RALGPS2: variants seen among roughly 807,000 people sequenced by gnomAD.
The protein encoded by RALGPS2 is Ral GEF with PH domain and SH3 binding motif 2.
In RALGPS2, 43 loss-of-function variants were observed where a neutral mutation model predicts 86.8. That is an observed-to-expected ratio of 0.50 (90% CI 0.39 to 0.64). The LOEUF is 0.64. RALGPS2 is among the 30% of genes least tolerant of loss of function. The pLI is 0.00. For missense variants in RALGPS2, 536 were observed against 694.6 expected (o/e 0.77, Z 2.57); for synonymous variants, 243 against 231.3 (o/e 1.05, Z -0.46).
Position 178,877,763 on chromosome 1 carries a change from G to A in RALGPS2, c.745+128G>A, listed in dbSNP as rs1659063186. 6 of 1,178,280 alleles carry A rather than the reference G, an allele frequency of 5.1e-6. No individual in the cohort carries two copies. In the Admixed American group the frequency reaches 1.1e-4, roughly 22 times the overall value. 73.0% of individuals were successfully genotyped at this position (1,178,280 alleles called of 1,614,324 possible). ...TTCTTATTTCCATTCTAATGTAAAG[G>A]AAAATAATGCTTGTTTTATTTTGCC... is the stretch of plus-strand genomic sequence containing the variant. On this transcript the variant is annotated intron_variant, in intron 9 of 19. Transcript: ENST00000367635.
At chr1:178,897,558 G>C in intron 16 of RALGPS2, 106 bp from the exon 17 acceptor site, 2 of 867,880 alleles carry the variant, frequency 2.3e-6, no homozygotes, top group South Asian at 2.9e-5. Flanking sequence ...CTGAGGTTAG[G>C]ACTTTGGTTG....
At chr1:178,756,884 G>T (rs900591448) in intron 1 of RALGPS2, among the ~76,000 whole-genome samples, 4 of 152,040 alleles carry the variant, frequency 2.6e-5, no homozygotes, top group African/African-American at 9.7e-5. Flanking sequence ...TTAGGGAGGA[G>T]TCCCTCCTCC....
At chr1:178,816,749 C>T (rs1655248310) in intron 6 of RALGPS2, among the ~76,000 whole-genome samples, 1 of 150,074 alleles carries the variant, frequency 6.7e-6, no homozygotes, top group Non-Finnish European at 1.5e-5. Context: ...GCTCATGTCA[C>T]CCAGGCTGGT....
Position 178,909,498 on chromosome 1 carries a change from G to A in RALGPS2, c.1722+2631G>A, listed in dbSNP as rs189984274. On this transcript the variant is annotated intron_variant, in intron 19 of 19. Coordinates refer to ENST00000367635, the MANE Select transcript of RALGPS2 (RefSeq NM_152663.5). Reference sequence around the variant, plus strand: ...TGTCATTGGTAGTTTGATAAGAATAGCATTGAATCTGTAGGTTGGTTTGGA... The same window carrying A: ...TGTCATTGGTAGTTTGATAAGAATAACATTGAATCTGTAGGTTGGTTTGGA... 1.3e-3 allele frequency among the ~76,000 whole-genome samples: 194 copies of A among 152,138 alleles called. 2 individuals carry two copies. Among genetic ancestry groups the A allele is most frequent in the African/African-American group, 4.3e-3 (178 of 41,510 alleles).
intron 7 of RALGPS2, among the ~76,000 whole-genome samples, chr1:178,830,882 A>G (rs1655982171): frequency 6.6e-6 from 1 of 152,192 alleles, no homozygotes; most frequent in Admixed American, 6.5e-5. Context: ...ATTTGCATCC[A>G]GAACTCTTAA....
At chr1:178,729,226 A>G (rs1274767661) in intron 1 of RALGPS2, among the ~76,000 whole-genome samples, 1 of 152,102 alleles carries the variant, frequency 6.6e-6, no homozygotes, top group Non-Finnish European at 1.5e-5. Context: ...TGAAAACCTT[A>G]TTAAATAGCA....
chr1:178,892,822 T>TA (rs1290439598), intron 15 of RALGPS2, among the ~76,000 whole-genome samples: 1 of 152,134 alleles, frequency 6.6e-6, no homozygotes, highest in Admixed American at 6.6e-5. Flanking sequence ...TTTGGACTGT[T>TA]ATTAGCTGTG....
rs765310482 is a variant in RALGPS2, at chr1:178,902,140, T to C, written c.1559T>C (p.Ile520Thr). 1.2e-6 allele frequency: 2 copies of C among 1,612,896 alleles called. No homozygotes were observed. The highest frequency in any genetic ancestry group is 1.7e-6 in the Non-Finnish European group (2 of 1,179,112). The stretch of plus-strand genomic sequence containing the variant: ...ACATCCAATAAGAACGTATCTGTGA[T>C]AGGATGGATGGTGATGATGGCTGAT... ...KSTSNKNVSV[I>T]GWMVMMADDP... is the part of the protein sequence containing the mutation. The change falls in exon 18 of 20, where the codon ATA becomes ACA. Residue 520 changes from isoleucine to threonine, a missense_variant. Physicochemically the swap from Ile to Thr is moderately conservative, Grantham distance 89 (BLOSUM62 -1). Coordinates refer to ENST00000367635, the MANE Select transcript of RALGPS2 (RefSeq NM_152663.5).
intron 4 of RALGPS2, among the ~76,000 whole-genome samples, chr1:178,791,074 G>A (rs1653928677): frequency 6.6e-6 from 1 of 151,994 alleles, no homozygotes; most frequent in South Asian, 2.1e-4. Context: ...TATATTAAAA[G>A]TATACATATA....
At chr1:178,819,369 A>G (rs1455626022) in intron 6 of RALGPS2, among the ~76,000 whole-genome samples, 4 of 152,114 alleles carry the variant, frequency 2.6e-5, no homozygotes, top group Non-Finnish European at 5.9e-5. Flanking sequence ...CCTTAGCACT[A>G]AGGTTCACAG....
chr1:178,836,415 A>T (rs1656276011), intron 8 of RALGPS2, among the ~76,000 whole-genome samples: 1 of 152,002 alleles, frequency 6.6e-6, no homozygotes, highest in Non-Finnish European at 1.5e-5. Flanking sequence ...ATATGTTCTC[A>T]TGATGTAGGA....
intron 17 of RALGPS2, among the ~76,000 whole-genome samples, chr1:178,900,219 A>G (rs17725787): frequency 0.24 from 36,073 of 151,800 alleles, 5,012 homozygotes; most frequent in Non-Finnish European, 0.32. Flanking sequence ...ATACCTGTTC[A>G]TGGCAATAAA....
chr1:178,873,632 T>C (rs1236557579), intron 8 of RALGPS2, among the ~76,000 whole-genome samples: 3 of 152,208 alleles, frequency 2.0e-5, no homozygotes, highest in Admixed American at 1.3e-4. Context: ...ATTTTGTACA[T>C]GTGTACTGGG....
At chr1:178,811,208 GTTTAA>G (rs1340068799) in intron 5 of RALGPS2, 102 bp from the exon 6 acceptor site, 7 of 703,106 alleles carry the variant, frequency 1.0e-5, no homozygotes, top group Non-Finnish European at 1.6e-5. Flanking sequence ...CTTTAACAAT[GTTTAA>G]TTTTAGAGCT....
rs1660009826 is a variant in RALGPS2 at position 178,897,740 on chromosome 1, C to G, written c.1508C>G (p.Ala503Gly). Residue 503 changes from alanine (A) to glycine (G), a missense_variant, in exon 17 of 20, where the codon GCT (alanine) becomes GGT (glycine). Ala to Gly is a moderately conservative substitution (Grantham distance 60, BLOSUM62 0). Coordinates refer to ENST00000367635, the MANE Select transcript of RALGPS2 (RefSeq NM_152663.5). ...LFYYAAKSLK[A>G]TERKHFKSTS... The stretch of plus-strand genomic sequence containing the variant: ...TACTATGCTGCCAAATCTCTAAAGG[C>G]TACCGAAAGAAAACATGTAAGTATT... The G allele has an allele frequency of 6.2e-7, 1 of 1,611,400 alleles. No homozygotes were observed.
rs116003224 is a variant in RALGPS2, at chr1:178,869,626, T to C, written c.608-7872T>C. 6.1e-3 allele frequency among the ~76,000 whole-genome samples: 926 copies of C among 152,198 alleles called. 9 individuals are homozygous for C. Among genetic ancestry groups the C allele is most frequent in the African/African-American group, 0.021 (885 of 41,544 alleles). Reference sequence around the variant, plus strand: ...AATTTTGTTAGAATTTCTTGTAAAATATGTGTTTAACAGAAATCCTGCCAG... The same window carrying C: ...AATTTTGTTAGAATTTCTTGTAAAACATGTGTTTAACAGAAATCCTGCCAG... On this transcript the variant is annotated intron_variant, in intron 8 of 19. Transcript: ENST00000367635.
At chr1:178,910,622 G>A (rs186613455) in intron 19 of RALGPS2, among the ~76,000 whole-genome samples, 90 of 152,278 alleles carry the variant, frequency 5.9e-4, no homozygotes, top group African/African-American at 2.1e-3. Flanking sequence ...CTACTTGATT[G>A]TGGTGAATTA....
intron 1 of RALGPS2, among the ~76,000 whole-genome samples, chr1:178,731,250 T>TTA (rs1650326913): frequency 6.6e-6 from 1 of 150,754 alleles, no homozygotes; most frequent in Non-Finnish European, 1.5e-5. Context: ...TAGCAGATGA[T>TTA]TATACTTTTC....
intron 8 of RALGPS2, among the ~76,000 whole-genome samples, chr1:178,855,592 A>G (rs910134560): frequency 1.3e-5 from 2 of 151,892 alleles, no homozygotes; most frequent in South Asian, 4.2e-4. Context: ...TATTTTAGGT[A>G]TTGTATTTTT....
Sources: allele counts gnomAD v4.1 joint callset (sites outside exome capture counted in the v4.1 genomes callset), GRCh38; gene constraint gnomAD v4.1.1; transcripts MANE v1.5; gene names NCBI Gene and HGNC (gene_info 2026-07-23, HGNC 2026-07-21).